ARHGAP25: variants seen among roughly 807,000 people sequenced by gnomAD.
ARHGAP25 encodes the protein Rho GTPase activating protein 25.
In ARHGAP25, 34 loss-of-function variants were observed where a neutral mutation model predicts 71.0. The ratio of observed to expected loss-of-function variants is 0.48; its 90% confidence interval spans 0.36 to 0.64. The LOEUF is 0.64. ARHGAP25 is among the 30% of genes least tolerant of loss of function. ARHGAP25 has a pLI of 0.00. For missense variants in ARHGAP25, 706 were observed against 805.1 expected, an observed-to-expected ratio of 0.88 and a Z score of 1.49; for synonymous variants, 282 against 296.5, an observed-to-expected ratio of 0.95 and a Z score of 0.50.
chr2:68,784,385 C>T (rs925847559), intron 3 of ARHGAP25, among the ~76,000 whole-genome samples: 1 of 152,050 alleles, frequency 6.6e-6, no homozygotes, highest in Non-Finnish European at 1.5e-5. Context: ...GATGATTCTC[C>T]GGAGCTAATG....
intron 4 of ARHGAP25, among the ~76,000 whole-genome samples, chr2:68,793,701 A>C (rs1679348566): frequency 6.6e-6 from 1 of 152,036 alleles, no homozygotes; most frequent in African/African-American, 2.4e-5. Context: ...TTTGAAGTCA[A>C]GTAATATGAT....
intron 1 of ARHGAP25, among the ~76,000 whole-genome samples, chr2:68,742,673 C>T: frequency 6.6e-6 from 1 of 152,202 alleles, no homozygotes; most frequent in East Asian, 1.9e-4. Flanking sequence ...TCCTTTGAAT[C>T]AAGTCATTGG....
At chr2:68,719,551 C>A (rs1157658869) in intron 2 of ARHGAP25, among the ~76,000 whole-genome samples, 2 of 150,018 alleles carry the variant, frequency 1.3e-5, no homozygotes, top group Non-Finnish European at 3.0e-5. Context: ...TTTTTTTTTT[C>A]TATATACATG....
At chr2:68,720,420 A>G (rs1365643765) in intron 2 of ARHGAP25, among the ~76,000 whole-genome samples, 1 of 152,028 alleles carries the variant, frequency 6.6e-6, no homozygotes. Context: ...ACTTCTTCTT[A>G]ATTATGTAGC....
chr2:68,770,767 G>A (rs1677437462), intron 1 of ARHGAP25, among the ~76,000 whole-genome samples: 1 of 152,130 alleles, frequency 6.6e-6, no homozygotes, highest in African/African-American at 2.4e-5. Context: ...CCTTGCTCAG[G>A]AATATGAAAT....
chr2:68,724,835 T>A (rs1171805129), intron 2 of ARHGAP25, among the ~76,000 whole-genome samples: 10 of 152,230 alleles, frequency 6.6e-5, no homozygotes. Flanking sequence ...CCTTGACTTC[T>A]CTCATTCTGT....
chr2:68,819,032 C>A (rs17545022), intron 8 of ARHGAP25, 91 bp from the exon 9 acceptor site: 180,969 of 1,172,602 alleles, frequency 0.15, 15,302 homozygotes, highest in South Asian at 0.17. Context: ...GTTTTAGAAC[C>A]GAGTTTGGAG....
At chr2:68,730,168 A>G (rs1271886350), upstream of ARHGAP25, among the ~76,000 whole-genome samples, 2 of 152,256 alleles carry the variant, frequency 1.3e-5, no homozygotes, top group Non-Finnish European at 2.9e-5. Context: ...ATGCATACAT[A>G]CATATATTAC....
intron 4 of ARHGAP25, 147 bp from the exon 5 acceptor site, chr2:68,807,126 G>A (rs71413165): frequency 0.018 from 13,159 of 736,854 alleles, 192 homozygotes; most frequent in Middle Eastern, 0.069. Flanking sequence ...ATAGCTTCAG[G>A]AAATATTCTG....
In ARHGAP25 at chr2:68,750,527, G is replaced by T. The variant is rs193186180; in HGVS notation, c.61+15267G>T. On this transcript the variant is annotated intron_variant, in intron 1 of 10. Coordinates refer to ENST00000409202, the MANE Select transcript of ARHGAP25 (RefSeq NM_001007231.3). Reference sequence around the variant, plus strand: ...GTAGAGACTGGGTTTTGCTATGTCGGCCAGGCTGCTCTCAAACTCCTGACC... The same window carrying T: ...GTAGAGACTGGGTTTTGCTATGTCGTCCAGGCTGCTCTCAAACTCCTGACC... 2.6e-5 allele frequency among the ~76,000 whole-genome samples: 4 copies of T among 152,062 alleles called. 1 individual carries two copies. The highest frequency in any genetic ancestry group is 2.0e-4 in the Admixed American group (3 of 15,268).
At chr2:68,752,034 G>A (rs1676208387) in intron 1 of ARHGAP25, among the ~76,000 whole-genome samples, 1 of 152,180 alleles carries the variant, frequency 6.6e-6, no homozygotes, top group South Asian at 2.1e-4. Flanking sequence ...ACGCGACCAC[G>A]AATAGTTGAT....
intron 2 of ARHGAP25, among the ~76,000 whole-genome samples, chr2:68,729,171 G>T (rs1246095801): frequency 6.6e-6 from 1 of 152,216 alleles, no homozygotes; most frequent in African/African-American, 2.4e-5. Context: ...TTCTACAGTT[G>T]ATTGTGGCAA....
chr2:68,724,276 C>A (rs1198923974), intron 2 of ARHGAP25, among the ~76,000 whole-genome samples: 1 of 152,198 alleles, frequency 6.6e-6, no homozygotes, highest in South Asian at 2.1e-4. Context: ...TGGCCCTGAA[C>A]TCTCCAGGTG....
At chr2:68,786,525 T>C (rs1314078016) in intron 3 of ARHGAP25, among the ~76,000 whole-genome samples, 1 of 152,224 alleles carries the variant, frequency 6.6e-6, no homozygotes, top group Non-Finnish European at 1.5e-5. Flanking sequence ...GATATTGCAA[T>C]TCCTAGAGGG....
chr2:68,815,100 C>CA (rs1681103900), intron 6 of ARHGAP25, among the ~76,000 whole-genome samples: 1 of 152,220 alleles, frequency 6.6e-6, no homozygotes, highest in Non-Finnish European at 1.5e-5. Context: ...CCCCTGCACT[C>CA]ACTTTAGACT....
Position 68,767,628 on chromosome 2 carries a change from G to A in ARHGAP25, c.62-7593G>A, listed in dbSNP as rs1445760712. ...TCTCTCCCTCCCATGCCTCGGCCAC[G>A]TGGGACCTTGCTCAGAATCCCTAGG... On this transcript the variant is annotated intron_variant, in intron 1 of 10. Transcript: ENST00000409202. The surrounding 1 kb of genome is among the most constrained non-coding windows in gnomAD (Gnocchi z 4.6). 2.0e-5 allele frequency among the ~76,000 whole-genome samples: 3 copies of A among 151,928 alleles called. No homozygotes were observed. The highest frequency in any genetic ancestry group is 1.5e-5 in the Non-Finnish European group (1 of 67,976).
At chr2:68,749,576 C>T (rs1299943949) in intron 1 of ARHGAP25, among the ~76,000 whole-genome samples, 4 of 152,274 alleles carry the variant, frequency 2.6e-5, no homozygotes, top group South Asian at 4.1e-4. Flanking sequence ...ATAGCTTTGT[C>T]GATCAGAGCA....
chr2:68,771,463 G>A (rs1018265787), intron 1 of ARHGAP25, among the ~76,000 whole-genome samples: 5 of 152,072 alleles, frequency 3.3e-5, no homozygotes, highest in African/African-American at 4.8e-5. Context: ...TACTTTATCC[G>A]GAACAAGTCC....
chr2:68,750,173 A>T (rs1297389706), intron 1 of ARHGAP25, among the ~76,000 whole-genome samples: 2 of 143,176 alleles, frequency 1.4e-5, no homozygotes, highest in Non-Finnish European at 1.5e-5. Flanking sequence ...TGCCCGGCTG[A>T]TTTTTTTTTT....
Sources: gnomAD v4.1 joint callset for allele counts (sites outside exome capture counted in the v4.1 genomes callset) on GRCh38, gnomAD v4.1.1 for gene constraint, Gnocchi (gnomAD v3.1) non-coding constraint, MANE v1.5 for transcripts, NCBI Gene and HGNC (gene_info 2026-07-23, HGNC 2026-07-21) for gene names.